LHCGR: variants seen among roughly 807,000 people sequenced by gnomAD.
LHCGR encodes the protein lutropin-choriogonadotropic hormone receptor.
A neutral mutation model predicts 60.7 loss-of-function variants in LHCGR; 55 were observed. The observed-to-expected ratio is 0.91, with a 90% confidence interval of 0.73 to 1.13. The LOEUF (loss-of-function observed/expected upper bound fraction) is 1.13. Among genes scored for constraint, LHCGR ranks in the 50% most tolerant of loss-of-function variants. The probability of loss-of-function intolerance (pLI) is 0.00; values close to 1 mark genes in which losing one functional copy is unlikely to be tolerated. For synonymous variants in LHCGR, 337 were observed against 316.5 expected (o/e 1.06, Z -0.69); for missense variants, 862 against 836.0 (o/e 1.03, Z -0.38).
At chr2:48,722,950 A>G (rs1362266390) in intron 6 of LHCGR, among the ~76,000 whole-genome samples, 1 of 152,168 alleles carries the variant, frequency 6.6e-6, no homozygotes, top group Non-Finnish European at 1.5e-5. Context: ...GCATTAAGGA[A>G]TAGAGAGAAT....
At chr2:48,740,088 C>T (rs1020806196) in intron 1 of LHCGR, among the ~76,000 whole-genome samples, 3 of 152,214 alleles carry the variant, frequency 2.0e-5, no homozygotes, top group Non-Finnish European at 2.9e-5. Flanking sequence ...ACAGATGGCA[C>T]CTGGAAAATC....
chr2:48,687,834 C>A lies in LHCGR; in HGVS notation c.1963G>T (p.Asp655Tyr). 6.2e-7 allele frequency: 1 copy of A among 1,614,116 alleles called. No individual in the cohort carries two copies. The highest frequency in any genetic ancestry group is 2.2e-5 in the East Asian group (1 of 44,876). ...KRRAELYRRK[D>Y]FSAYTSNCKN... is the part of the protein sequence containing the mutation. ...CAGTTGGAGGTGTAAGCTGAAAAATCTTTCCTTCTATAAAGTTCAGCCCGA... is the reference window on the plus strand; with the variant it reads ...CAGTTGGAGGTGTAAGCTGAAAAATATTTCCTTCTATAAAGTTCAGCCCGA... Residue 655 changes from aspartate to tyrosine, a missense_variant, in exon 11 of 11, where the codon GAT (aspartate) becomes TAT (tyrosine). Transcript: ENST00000294954.
intron 1 of LHCGR, among the ~76,000 whole-genome samples, chr2:48,741,065 G>A (rs1273695967): frequency 6.6e-6 from 1 of 151,714 alleles, no homozygotes; most frequent in Non-Finnish European, 1.5e-5. Flanking sequence ...AGGAGCTGAT[G>A]CGATCAACTG....
Position 48,687,468 on chromosome 2 carries a change from T to C in LHCGR, c.*229A>G, listed in dbSNP as rs935124009. The C allele has an allele frequency of 2.3e-6, 1 of 442,526 alleles. No individual in the cohort carries two copies. Among genetic ancestry groups the C allele is most frequent in the African/African-American group, 2.0e-5 (1 of 50,394 alleles). 27.4% of individuals were successfully genotyped at this position (442,526 alleles called of 1,614,324 possible). A position where few individuals can be genotyped will look rare whatever the true frequency, so the allele number is the denominator to read the frequency against. On this transcript the variant is annotated 3_prime_UTR_variant, in exon 11 of 11. Transcript: ENST00000294954. ...TACTGTGTCAAAATTTCTATAAAAA[T>C]TTCTAAACACTCTCAACTTCAGTAT... is the stretch of plus-strand genomic sequence containing the variant.
Position 48,714,764 on chromosome 2 carries a change from C to T in LHCGR, c.537-710G>A, listed in dbSNP as rs536281651. 2.0e-5 allele frequency among the ~76,000 whole-genome samples: 3 copies of T among 152,228 alleles called. No individual in the cohort carries two copies. In the South Asian group the frequency reaches 6.2e-4, roughly 32 times the overall value. ...ATACACACACACACAAACACACACA[C>T]ATACATGTATACTTCTACCCAGAAT... is the stretch of plus-strand genomic sequence containing the variant. On this transcript the variant is annotated intron_variant, in intron 6 of 10. Coordinates refer to ENST00000294954, the MANE Select transcript of LHCGR (RefSeq NM_000233.4).
chr2:48,698,592 T>A (rs1177912441), intron 9 of LHCGR, 23 bp downstream of exon 9: 1 of 1,603,290 alleles, frequency 6.2e-7, no homozygotes, highest in East Asian at 2.2e-5. Context: ...TTGGGTAGGC[T>A]TTACCTTTTG....
rs1473257747 is a variant in LHCGR at position 48,687,237 on chromosome 2, A to C, written c.*460T>G. On this transcript the variant is annotated 3_prime_UTR_variant, in exon 11 of 11. Transcript: ENST00000294954. The stretch of plus-strand genomic sequence containing the variant: ...TTCTCATTTTATTTAATTTTAATTT[A>C]GCCACATGTGGCTAGTGGCTACCGG... 6.3e-6 allele frequency: 1 copy of C among 158,590 alleles called. No homozygotes were observed. The highest frequency in any genetic ancestry group is 1.4e-5 in the Non-Finnish European group (1 of 71,784). The allele number at this position is 158,590 out of a possible 1,614,324, so 9.8% of individuals were successfully genotyped here.
chr2:48,705,884 C>T (rs951975496), intron 8 of LHCGR, among the ~76,000 whole-genome samples: 1 of 152,098 alleles, frequency 6.6e-6, no homozygotes, highest in African/African-American at 2.4e-5. Context: ...GGGCATTTAG[C>T]CCGTTTACAT....
At chr2:48,699,643 G>A (rs1023701636) in intron 8 of LHCGR, among the ~76,000 whole-genome samples, 1 of 152,194 alleles carries the variant, frequency 6.6e-6, no homozygotes, top group Non-Finnish European at 1.5e-5. Flanking sequence ...CATCTACCTA[G>A]GAAGCAGAAT....
At chr2:48,706,604 T>C (rs1353018208) in intron 8 of LHCGR, among the ~76,000 whole-genome samples, 1 of 152,220 alleles carries the variant, frequency 6.6e-6, no homozygotes, top group Non-Finnish European at 1.5e-5. Flanking sequence ...CTTTTTTTTC[T>C]CTAATCTTGT....
intron 1 of LHCGR, among the ~76,000 whole-genome samples, chr2:48,745,123 A>G (rs1669638774): frequency 6.6e-6 from 1 of 152,240 alleles, no homozygotes; most frequent in African/African-American, 2.4e-5. Flanking sequence ...CATCAGAGAA[A>G]TGCAAATCAA....
chr2:48,701,317 A>G (rs1229423056), intron 8 of LHCGR, among the ~76,000 whole-genome samples: 1 of 152,110 alleles, frequency 6.6e-6, no homozygotes, highest in Non-Finnish European at 1.5e-5. Context: ...AAGTCTATAT[A>G]AGTGACCACA....
At chr2:48,690,212 T>C (rs1236763725) in intron 10 of LHCGR, among the ~76,000 whole-genome samples, 1 of 152,226 alleles carries the variant, frequency 6.6e-6, no homozygotes, top group Non-Finnish European at 1.5e-5. Flanking sequence ...CTCATTGTGA[T>C]GACTTCCAAG....
At chr2:48,745,429 A>G (rs1377260092) in intron 1 of LHCGR, among the ~76,000 whole-genome samples, 2 of 152,214 alleles carry the variant, frequency 1.3e-5, no homozygotes, top group Non-Finnish European at 2.9e-5. Flanking sequence ...CACAATAGCA[A>G]AGACTTGGAA....
Position 48,698,754 on chromosome 2 carries a change from C to T in LHCGR, c.727G>A (p.Glu243Lys), listed in dbSNP as rs768846378. Residue 243 changes from glutamate to lysine, a missense_variant, in exon 9 of 11, where the codon GAG (glutamate) becomes AAG (lysine). Transcript: ENST00000294954. Reference sequence around the variant, plus strand: ...GTGGCAATTAGCCTCTGAATGGACTCTAGGCCATAGCTCGGCAGGGCCTGC... The same window carrying T: ...GTGGCAATTAGCCTCTGAATGGACTTTAGGCCATAGCTCGGCAGGGCCTGC... ...KLQALPSYGL[E>K]SIQRLIATSS... The T allele has an allele frequency of 2.4e-5, 39 of 1,614,006 alleles. No individual in the cohort carries two copies. The East Asian group carries it at 8.5e-4, about 35-fold the overall frequency.
rs1558837938 is a variant in LHCGR, at chr2:48,708,937, A to G, written c.680+11T>C. 6.2e-7 allele frequency: 1 copy of G among 1,611,580 alleles called. No individual in the cohort carries two copies. Among genetic ancestry groups the G allele is most frequent in the Non-Finnish European group, 8.5e-7 (1 of 1,177,828 alleles). ...CTGGGCAGGGAGGGGAGGCAGCACC[A>G]TTCTACTCACAAGGTTTTCGGCCCT... On this transcript the variant is annotated intron_variant, in intron 8 of 10. Transcript: ENST00000294954.
rs535638835 is a variant in LHCGR, at chr2:48,692,642, G to A, written c.947+1582C>T. The stretch of plus-strand genomic sequence containing the variant: ...TCAGAGGAAGGAGAGCTGTAGCACC[G>A]CTGCTCCAGTCACAAGAAAGAAAGG... On this transcript the variant is annotated intron_variant, in intron 10 of 10. Coordinates refer to ENST00000294954, the MANE Select transcript of LHCGR (RefSeq NM_000233.4). Among the ~76,000 whole-genome samples, 57 of 152,258 alleles carry A rather than the reference G, an allele frequency of 3.7e-4. No individual in the cohort carries two copies. In the South Asian group the frequency reaches 0.011, roughly 29 times the overall value.
chr2:48,712,178 C>T (rs1281107024), intron 7 of LHCGR, among the ~76,000 whole-genome samples: 1 of 151,886 alleles, frequency 6.6e-6, no homozygotes, highest in African/African-American at 2.4e-5. Flanking sequence ...CTTTGAAATC[C>T]CAGAGGACTT....
At chr2:48,742,649 A>G (rs532766438) in intron 1 of LHCGR, among the ~76,000 whole-genome samples, 1 of 151,982 alleles carries the variant, frequency 6.6e-6, no homozygotes, top group African/African-American at 2.4e-5. Flanking sequence ...ACCAACGAGA[A>G]CAAAGACACA....
Sources: gnomAD v4.1 joint callset for allele counts (sites outside exome capture counted in the v4.1 genomes callset) on GRCh38, gnomAD v4.1.1 for gene constraint, MANE v1.5 for transcripts, NCBI Gene and HGNC (gene_info 2026-07-23, HGNC 2026-07-21) for gene names.